The following CDRT4 variants were observed in gnomAD, a reference collection of about 807,000 sequenced individuals.
CDRT4 encodes the protein CMT1A duplicated region transcript 4 protein.
For synonymous variants in CDRT4, 64 were observed against 69.6 expected, an observed-to-expected ratio of 0.92 and a Z score of 0.40; for missense variants, 167 against 193.1, an observed-to-expected ratio of 0.87 and a Z score of 0.80.
intron 3 of CDRT4, among the ~76,000 whole-genome samples, chr17:15,439,983 A>G (rs1008350559): frequency 6.6e-6 from 1 of 152,066 alleles, no homozygotes; most frequent in Non-Finnish European, 1.5e-5. Flanking sequence ...AGATATACCT[A>G]ATGTAAATGA....
In CDRT4 at chr17:15,437,644, G is replaced by A. The variant is rs566277630; in HGVS notation, c.*129C>T. On this transcript the variant is annotated 3_prime_UTR_variant, in exon 4 of 4. Transcript: ENST00000619038. ...GGTTTCTCTTAGCCAAGCTCCGCAT[G>A]AGCAAGAGCAAGTTCAGATTTAAAG... 2 of 978,944 alleles carry A rather than the reference G, an allele frequency of 2.0e-6. No homozygotes were observed. The highest frequency in any genetic ancestry group is 5.2e-5 in the East Asian group (2 of 38,492). The allele number at this position is 978,944 out of a possible 1,614,324, so 60.6% of individuals were successfully genotyped here.
At chr17:15,457,884 C>T (rs1208038615) in intron 1 of CDRT4, among the ~76,000 whole-genome samples, 13 of 152,182 alleles carry the variant, frequency 8.5e-5, no homozygotes, top group Admixed American at 8.5e-4. Flanking sequence ...CCACAGCCTC[C>T]AGCTAAAGAA....
chr17:15,445,267 C>A (rs545568701), intron 2 of CDRT4, among the ~76,000 whole-genome samples: 2 of 152,226 alleles, frequency 1.3e-5, no homozygotes, highest in African/African-American at 4.8e-5. Flanking sequence ...AGAAGGGGCC[C>A]ATGGCAAAAG....
chr17:15,447,180 C>CA (rs1470878520), intron 2 of CDRT4, among the ~76,000 whole-genome samples: 1 of 152,228 alleles, frequency 6.6e-6, no homozygotes, highest in African/African-American at 2.4e-5. Context: ...TAGGACAATA[C>CA]ATGTTCCATC....
intron 2 of CDRT4, among the ~76,000 whole-genome samples, chr17:15,446,963 T>A (rs1979055344): frequency 6.6e-6 from 1 of 152,124 alleles, no homozygotes; most frequent in Admixed American, 6.5e-5. Flanking sequence ...AAAAAACCTA[T>A]CCTGAGCTCC....
intron 2 of CDRT4, among the ~76,000 whole-genome samples, 171 bp downstream of exon 2, chr17:15,452,833 T>C (rs1979322940): frequency 6.6e-6 from 1 of 152,190 alleles, no homozygotes; most frequent in South Asian, 2.1e-4. Context: ...CCATTATGTG[T>C]TATTTAGTTG....
chr17:15,447,180 C>T (rs529157146), intron 2 of CDRT4, among the ~76,000 whole-genome samples: 26 of 152,346 alleles, frequency 1.7e-4, no homozygotes, highest in African/African-American at 5.8e-4. Context: ...TAGGACAATA[C>T]ATGTTCCATC....
At chr17:15,444,145 G>C in intron 2 of CDRT4, 1 of 1,270,848 alleles carries the variant, frequency 7.9e-7, no homozygotes, top group East Asian at 2.3e-5. Context: ...TTTTTGGATG[G>C]TATATATGTC....
At chr17:15,444,606 C>A (rs1978931446) in intron 2 of CDRT4, among the ~76,000 whole-genome samples, 1 of 152,112 alleles carries the variant, frequency 6.6e-6, no homozygotes, top group Non-Finnish European at 1.5e-5. Flanking sequence ...AATCCCAGCA[C>A]TTTAGGAGGC....
intron 1 of CDRT4, among the ~76,000 whole-genome samples, chr17:15,459,439 C>CTTTTT (rs35161691): frequency 4.5e-4 from 48 of 107,480 alleles, no homozygotes; most frequent in South Asian, 1.1e-3. Flanking sequence ...CTTTTTTTTT[C>CTTTTT]TTTTTTTTTT....
At chr17:15,465,247 ACAC>A (rs1979966895) in intron 1 of CDRT4, among the ~76,000 whole-genome samples, 1 of 134,002 alleles carries the variant, frequency 7.5e-6, no homozygotes, top group Non-Finnish European at 1.5e-5. Flanking sequence ...CAACAGACAC[ACAC>A]CAACACACAC....
intron 2 of CDRT4, among the ~76,000 whole-genome samples, chr17:15,449,831 G>A (rs1211815042): frequency 2.0e-5 from 3 of 152,120 alleles, no homozygotes; most frequent in African/African-American, 7.2e-5. Context: ...CTGCTTCTGG[G>A]TTAGTTTACT....
At chr17:15,467,257 T>C (rs1421788222) in intron 1 of CDRT4, among the ~76,000 whole-genome samples, 1 of 152,168 alleles carries the variant, frequency 6.6e-6, no homozygotes, top group East Asian at 1.9e-4. Flanking sequence ...CAGTACGTTT[T>C]ACAAAGTCCT....
At chr17:15,461,370 G>A (rs940545087) in intron 1 of CDRT4, among the ~76,000 whole-genome samples, 5 of 152,226 alleles carry the variant, frequency 3.3e-5, no homozygotes, top group Non-Finnish European at 7.3e-5. Flanking sequence ...GCTGCCACAA[G>A]GACAGGAGTG....
chr17:15,459,425 ATTTCTTTTTT>A (rs1279330213), intron 1 of CDRT4, among the ~76,000 whole-genome samples: 4 of 126,558 alleles, frequency 3.2e-5, no homozygotes, highest in Non-Finnish European at 5.1e-5. Flanking sequence ...TATTGAGTTG[ATTTCTTTTTT>A]TTTCTTTTTT....
rs991808053 is a variant in CDRT4 at position 15,450,241 on chromosome 17, G to A, written c.-48+2763C>T. On this transcript the variant is annotated intron_variant, in intron 2 of 3. Coordinates refer to ENST00000619038, the MANE Select transcript of CDRT4 (RefSeq NM_001204477.2). This position sits in a 1 kb window ranked among gnomAD's most constrained non-coding sequence, Gnocchi z 4.2. Reference sequence around the variant, plus strand: ...ATTGTAGGTTGTCTTTGTCTTGCCCGGCTTTGAGAAAAATCCAAGAATCCA... The same window carrying A: ...ATTGTAGGTTGTCTTTGTCTTGCCCAGCTTTGAGAAAAATCCAAGAATCCA... Among the ~76,000 whole-genome samples the A allele has an allele frequency of 2.0e-5, 3 of 151,908 alleles. No homozygotes were observed. Among genetic ancestry groups the A allele is most frequent in the Non-Finnish European group, 2.9e-5 (2 of 67,986 alleles).
Position 15,437,412 on chromosome 17 carries a change from C to G in CDRT4, c.*361G>C, listed in dbSNP as rs905298197. The G allele has an allele frequency of 7.0e-6, 2 of 287,536 alleles. No individual in the cohort carries two copies. Among genetic ancestry groups the G allele is most frequent in the African/African-American group, 4.3e-5 (2 of 46,236 alleles). 17.8% of individuals were successfully genotyped at this position (287,536 alleles called of 1,614,324 possible). ...CTTTGTATTCCCTTCCTGCCCTTTA[C>G]TGTCACCTGGTTAATCATTCTTTAT... On this transcript the variant is annotated 3_prime_UTR_variant, in exon 4 of 4. Transcript: ENST00000619038.
chr17:15,456,082 G>A (rs1310074440), intron 1 of CDRT4, among the ~76,000 whole-genome samples: 1 of 152,190 alleles, frequency 6.6e-6, no homozygotes, highest in Non-Finnish European at 1.5e-5. Flanking sequence ...GGCAGCAGTG[G>A]GAGAAATTTC....
chr17:15,457,917 C>G (rs1979561748), intron 1 of CDRT4, among the ~76,000 whole-genome samples: 1 of 152,212 alleles, frequency 6.6e-6, no homozygotes, highest in Non-Finnish European at 1.5e-5. Flanking sequence ...CCACAGGACC[C>G]AGCTTGTGTG....
Sources: gnomAD v4.1 joint callset for allele counts (sites outside exome capture counted in the v4.1 genomes callset) on GRCh38, gnomAD v4.1.1 for gene constraint, Gnocchi (gnomAD v3.1) non-coding constraint, MANE v1.5 for transcripts, NCBI Gene and HGNC (gene_info 2026-07-23, HGNC 2026-07-21) for gene names.